Variants in PTPRN2 observed in about 807,000 individuals in gnomAD.
PTPRN2 encodes receptor-type tyrosine-protein phosphatase N2.
In PTPRN2, 74 loss-of-function variants were observed where a neutral mutation model predicts 118.8. The ratio of observed to expected loss-of-function variants is 0.62; its 90% CI spans 0.52 to 0.76. The LOEUF is 0.76. Ranked by LOEUF, PTPRN2 falls within the 30% of genes least tolerant of loss-of-function variation. The pLI is 0.00. For synonymous variants in PTPRN2, 641 were observed against 608.0 expected (o/e 1.05, Z -0.80); for missense variants, 1,481 against 1,394.4 (o/e 1.06, Z -0.99).
At chr7:157,631,319 A>AAG (rs1803924859) in intron 14 of PTPRN2, among the ~76,000 whole-genome samples, 2 of 152,224 alleles carry the variant, frequency 1.3e-5, no homozygotes, top group Admixed American at 1.3e-4. Flanking sequence ...GGCAGGAACA[A>AAG]AGCGTAGAAG....
At chr7:157,860,090 G>A (rs564277316) in intron 12 of PTPRN2, among the ~76,000 whole-genome samples, 22 of 152,342 alleles carry the variant, frequency 1.4e-4, no homozygotes, top group African/African-American at 9.6e-5. Context: ...ATGCGGCTTC[G>A]TGATTCCTGT....
intron 3 of PTPRN2, among the ~76,000 whole-genome samples, chr7:158,238,882 A>C (rs1015358617): frequency 6.6e-6 from 1 of 152,188 alleles, no homozygotes; most frequent in African/African-American, 2.4e-5. Context: ...ACAAGGGCAG[A>C]GGTGAGAGCA....
chr7:157,650,571 C>T (rs934248606), intron 14 of PTPRN2, among the ~76,000 whole-genome samples: 14 of 152,138 alleles, frequency 9.2e-5, no homozygotes, highest in East Asian at 7.7e-4. Flanking sequence ...AGCCCAGCCG[C>T]GTGGCCCCAG....
chr7:157,752,258 A>T (rs1177217539), intron 12 of PTPRN2, among the ~76,000 whole-genome samples: 1 of 152,176 alleles, frequency 6.6e-6, no homozygotes, highest in Non-Finnish European at 1.5e-5. Context: ...GTAGCGGGGA[A>T]CGTCGTAAGT....
chr7:158,341,183 C>A (rs374452321), intron 2 of PTPRN2, among the ~76,000 whole-genome samples: 1 of 139,744 alleles, frequency 7.2e-6, no homozygotes, highest in East Asian at 2.2e-4. Context: ...CACACCCACA[C>A]TCTCACCATA....
intron 12 of PTPRN2, among the ~76,000 whole-genome samples, chr7:157,853,459 C>G (rs112640494): frequency 3.3e-5 from 5 of 152,166 alleles, no homozygotes; most frequent in African/African-American, 1.2e-4. Context: ...CCCACCCCCC[C>G]ACCTCCCTTT....
intron 12 of PTPRN2, among the ~76,000 whole-genome samples, chr7:157,755,871 C>T (rs1286137329): frequency 1.3e-5 from 2 of 152,178 alleles, no homozygotes; most frequent in African/African-American, 4.8e-5. Flanking sequence ...CACGTACCCC[C>T]GATTCTAAAA....
intron 2 of PTPRN2, among the ~76,000 whole-genome samples, chr7:158,327,077 ATT>A (rs1290288322): frequency 1.3e-5 from 2 of 151,336 alleles, no homozygotes; most frequent in African/African-American, 4.9e-5. Context: ...ACATGCACAC[ATT>A]CTCACATGCA....
At chr7:157,757,026 G>A (rs531979229) in intron 12 of PTPRN2, among the ~76,000 whole-genome samples, 2 of 152,324 alleles carry the variant, frequency 1.3e-5, no homozygotes, top group East Asian at 1.9e-4. Flanking sequence ...GCCGCCGTGT[G>A]GGGTGGACCC....
At chr7:158,358,199 G>A (rs561509298) in intron 2 of PTPRN2, among the ~76,000 whole-genome samples, 1 of 152,302 alleles carries the variant, frequency 6.6e-6, no homozygotes, top group African/African-American at 2.4e-5. Flanking sequence ...ACCACAGGGA[G>A]ACCTGAGACG....
chr7:158,221,694 C>T (rs1246837311), intron 3 of PTPRN2, among the ~76,000 whole-genome samples: 1 of 152,148 alleles, frequency 6.6e-6, no homozygotes, highest in East Asian at 1.9e-4. Context: ...TATTCACTAA[C>T]ATGAGAATAA....
chr7:158,378,076 C>T (rs747288124), intron 2 of PTPRN2, among the ~76,000 whole-genome samples: 6 of 152,154 alleles, frequency 3.9e-5, no homozygotes, highest in East Asian at 1.9e-4. Flanking sequence ...GACCTGGCTC[C>T]GGGACTATAC....
intron 6 of PTPRN2, among the ~76,000 whole-genome samples, chr7:158,145,038 CCA>C: frequency 1.4e-5 from 2 of 148,066 alleles, no homozygotes; most frequent in African/African-American, 2.5e-5. Flanking sequence ...TTCCAGAATA[CCA>C]CGGCTCGGCA....
At chr7:158,506,725 C>A (rs751791768) in intron 1 of PTPRN2, among the ~76,000 whole-genome samples, 26 of 152,032 alleles carry the variant, frequency 1.7e-4, no homozygotes, top group Admixed American at 3.9e-4. Context: ...CACCTCCACC[C>A]AGGCTTGGCC....
At chr7:158,402,725 T>G (rs1813045518) in intron 2 of PTPRN2, among the ~76,000 whole-genome samples, 2 of 152,138 alleles carry the variant, frequency 1.3e-5, no homozygotes, top group South Asian at 2.1e-4. Flanking sequence ...CTCCGGACCC[T>G]GCGCCCGCCC....
At chr7:158,294,958 A>G (rs1157965088) in intron 3 of PTPRN2, among the ~76,000 whole-genome samples, 1 of 138,780 alleles carries the variant, frequency 7.2e-6, no homozygotes, top group Non-Finnish European at 1.5e-5. Context: ...CTGAGGGTCC[A>G]AGCCCACGGC....
At chr7:157,942,156 ACCCTCC>A (rs1800178821) in intron 11 of PTPRN2, among the ~76,000 whole-genome samples, 1 of 142,142 alleles carries the variant, frequency 7.0e-6, no homozygotes, top group Non-Finnish European at 1.5e-5. Flanking sequence ...TCCTCGGCCC[ACCCTCC>A]ACACACAGGG....
chr7:158,396,723 TGTGC>T lies in PTPRN2; in HGVS notation c.164-79795_164-79792del, dbSNP rs375914304. Among the ~76,000 whole-genome samples, 123 of 152,332 alleles carry T rather than the reference TGTGC, an allele frequency of 8.1e-4. 2 individuals are homozygous for T. The South Asian group carries it at 0.015, about 19-fold the overall frequency. ...GTGTGCACATGTGTGCATGTGTGTG[TGTGC>T]GCATACCATCTCCCCAAGCCGCCTC... On this transcript the variant is annotated intron_variant, in intron 2 of 22. Transcript: ENST00000389418.
chr7:158,415,673 A>ATT (rs1412622491), intron 2 of PTPRN2, among the ~76,000 whole-genome samples: 1 of 151,830 alleles, frequency 6.6e-6, no homozygotes, highest in Non-Finnish European at 1.5e-5. Flanking sequence ...CCCACCCTAC[A>ATT]ATGGCTCATT....
Sources: allele counts gnomAD v4.1 joint callset (sites outside exome capture counted in the v4.1 genomes callset), GRCh38; gene constraint gnomAD v4.1.1; transcripts MANE v1.5; gene names NCBI Gene and HGNC (gene_info 2026-07-23, HGNC 2026-07-21).